Variants in CACNA1B observed in about 807,000 individuals in gnomAD.
CACNA1B encodes voltage-dependent N-type calcium channel subunit alpha-1B.
Under a neutral mutation model 247.2 loss-of-function variants are expected in CACNA1B, and 70 were observed. The ratio of observed to expected loss-of-function variants is 0.28; its 90% CI spans 0.23 to 0.35. The LOEUF (loss-of-function observed/expected upper bound fraction) is 0.35, where lower values mean the gene tolerates loss of function less well. CACNA1B is among the 10% of genes least tolerant of loss of function. CACNA1B has a pLI of 1.00. For missense variants in CACNA1B, 2,367 were observed against 3,197.4 expected, an observed-to-expected ratio of 0.74 and a Z score of 6.26; for synonymous variants, 1,231 against 1,294.4, an observed-to-expected ratio of 0.95 and a Z score of 1.05.
Position 137,974,915 on chromosome 9 carries a change from T to C in CACNA1B, c.1544-992T>C, listed in dbSNP as rs1958200155. On this transcript the variant is annotated intron_variant, in intron 11 of 46. Coordinates refer to ENST00000371372, the MANE Select transcript of CACNA1B (RefSeq NM_000718.4). The surrounding 1 kb of genome is among the most constrained non-coding windows in gnomAD (Gnocchi z 4.5). ...GGTGCCTTTGGCCTGACCAGCACTGTGAGAAGTTTAAGAGCCAATCCCTGC... is the reference window on the plus strand; with the variant it reads ...GGTGCCTTTGGCCTGACCAGCACTGCGAGAAGTTTAAGAGCCAATCCCTGC... 6.6e-6 allele frequency among the ~76,000 whole-genome samples: 1 copy of C among 152,154 alleles called. No individual in the cohort carries two copies. The highest frequency in any genetic ancestry group is 2.1e-4 in the South Asian group (1 of 4,828).
In CACNA1B at chr9:137,986,939, C is replaced by A; in HGVS notation, c.1974+85C>A. On this transcript the variant is annotated intron_variant, in intron 15 of 46. Coordinates refer to ENST00000371372, the MANE Select transcript of CACNA1B (RefSeq NM_000718.4). The surrounding 1 kb of genome is among the most constrained non-coding windows in gnomAD (Gnocchi z 6.0). ...GGAAGGCGGACTCTCCTGTCATTCCCTCCCTTGTTCCTCCACACGGCCCAG... is the reference window on the plus strand; with the variant it reads ...GGAAGGCGGACTCTCCTGTCATTCCATCCCTTGTTCCTCCACACGGCCCAG... 1 of 989,962 alleles carries A rather than the reference C, an allele frequency of 1.0e-6. No homozygotes were observed. Among genetic ancestry groups the A allele is most frequent in the Non-Finnish European group, 1.6e-6 (1 of 616,260 alleles). 61.3% of individuals were successfully genotyped at this position (989,962 alleles called of 1,614,324 possible).
intron 36 of CACNA1B, among the ~76,000 whole-genome samples, chr9:138,084,525 A>G (rs1960630439): frequency 1.3e-5 from 2 of 151,240 alleles, no homozygotes; most frequent in Admixed American, 1.3e-4. Context: ...AGACTATACC[A>G]CTGCACCTGG....
At chr9:138,113,725 G>A (rs1961747129) in intron 40 of CACNA1B, among the ~76,000 whole-genome samples, 1 of 137,702 alleles carries the variant, frequency 7.3e-6, no homozygotes, top group African/African-American at 2.8e-5. Flanking sequence ...GAGACGTGAG[G>A]GAGTGCCGGG....
intron 40 of CACNA1B, 34 bp downstream of exon 40, chr9:138,112,539 C>T: frequency 1.5e-6 from 2 of 1,366,962 alleles, no homozygotes; most frequent in Non-Finnish European, 2.1e-6. Context: ...CCCCAGCCCC[C>T]ACCTTTACTG....
intron 31 of CACNA1B, among the ~76,000 whole-genome samples, chr9:138,066,939 C>T (rs1959940350): frequency 6.6e-6 from 1 of 152,040 alleles, no homozygotes; most frequent in East Asian, 1.9e-4. Context: ...AAAGTCTAAA[C>T]TTAGTTCTTT....
intron 21 of CACNA1B, among the ~76,000 whole-genome samples, chr9:138,044,602 A>G (rs542618150): frequency 2.4e-4 from 36 of 152,342 alleles, no homozygotes; most frequent in African/African-American, 8.2e-4. Flanking sequence ...TTCTGGGGTG[A>G]GACTGGAGCA....
intron 12 of CACNA1B, among the ~76,000 whole-genome samples, chr9:137,979,313 G>A (rs1189115500): frequency 6.6e-6 from 1 of 152,200 alleles, no homozygotes; most frequent in African/African-American, 2.4e-5. Flanking sequence ...CTGGTGTCAA[G>A]CTCATGCATT....
At chr9:137,902,166 G>T (rs1055147693) in intron 3 of CACNA1B, among the ~76,000 whole-genome samples, 1 of 152,152 alleles carries the variant, frequency 6.6e-6, no homozygotes, top group Non-Finnish European at 1.5e-5. Context: ...GTTTACTTTT[G>T]TGAGTTGTCT....
chr9:138,092,874 T>C (rs1272954342), intron 36 of CACNA1B, among the ~76,000 whole-genome samples: 1 of 152,206 alleles, frequency 6.6e-6, no homozygotes, highest in African/African-American at 2.4e-5. Context: ...CCTGACTTCC[T>C]GCAACAAGCT....
chr9:138,090,291 A>G (rs1170497826), intron 36 of CACNA1B, among the ~76,000 whole-genome samples: 2 of 152,192 alleles, frequency 1.3e-5, no homozygotes, highest in African/African-American at 2.4e-5. Flanking sequence ...AGCACCAAGA[A>G]CATTTATTGG....
intron 26 of CACNA1B, among the ~76,000 whole-genome samples, chr9:138,055,129 C>CTTTTT (rs1306363608): frequency 2.1e-5 from 3 of 140,716 alleles, no homozygotes; most frequent in African/African-American, 7.8e-5. Context: ...TTTTCTTTTT[C>CTTTTT]TTTTTTTTTT....
At chr9:138,104,583 C>T (rs1961360974) in intron 38 of CACNA1B, among the ~76,000 whole-genome samples, 2 of 152,218 alleles carry the variant, frequency 1.3e-5, no homozygotes, top group Non-Finnish European at 2.9e-5. Flanking sequence ...GCTCATGTCT[C>T]CAGCCCGGCT....
At chr9:137,937,611 A>G (rs1422909679) in intron 6 of CACNA1B, among the ~76,000 whole-genome samples, 2 of 152,178 alleles carry the variant, frequency 1.3e-5, no homozygotes, top group Admixed American at 6.5e-5. Flanking sequence ...CATTGCAAAA[A>G]GATAATCTCC....
At chr9:137,951,513 G>A (rs1361934295) in intron 6 of CACNA1B, among the ~76,000 whole-genome samples, 1 of 152,188 alleles carries the variant, frequency 6.6e-6, no homozygotes, top group Non-Finnish European at 1.5e-5. Context: ...GCCTCCCTTG[G>A]CACCCACCAC....
intron 10 of CACNA1B, among the ~76,000 whole-genome samples, chr9:137,963,294 T>C (rs1958040412): frequency 6.6e-6 from 1 of 152,228 alleles, no homozygotes. Flanking sequence ...GATGTGGGTC[T>C]TTTGAAGACA....
rs967849534 is a variant in CACNA1B, at chr9:137,973,305, C to A, written c.1543+1713C>A. Reference sequence around the variant, plus strand: ...AAATGTGGGCAGTGTCCCTGACAGCCGGGCTGGGCCTGAGGGAGGCTTGCT... The same window carrying A: ...AAATGTGGGCAGTGTCCCTGACAGCAGGGCTGGGCCTGAGGGAGGCTTGCT... On this transcript the variant is annotated intron_variant, in intron 11 of 46. Coordinates refer to ENST00000371372, the MANE Select transcript of CACNA1B (RefSeq NM_000718.4). The surrounding 1 kb of genome is among the most constrained non-coding windows in gnomAD (Gnocchi z 4.1). Among the ~76,000 whole-genome samples the A allele has an allele frequency of 6.6e-6, 1 of 152,114 alleles. No individual in the cohort carries two copies. Among genetic ancestry groups the A allele is most frequent in the Non-Finnish European group, 1.5e-5 (1 of 68,020 alleles).
chr9:138,098,602 G>C (rs1961138514), intron 37 of CACNA1B, among the ~76,000 whole-genome samples: 1 of 152,204 alleles, frequency 6.6e-6, no homozygotes, highest in Admixed American at 6.5e-5. Context: ...CAAGAGCAGA[G>C]GCAGGAAGAA....
At chr9:138,083,832 A>C (rs1589118630) in intron 36 of CACNA1B, among the ~76,000 whole-genome samples, 1 of 150,274 alleles carries the variant, frequency 6.7e-6, no homozygotes, top group African/African-American at 2.5e-5. Context: ...CTGCCATTCT[A>C]GGGTACTTGC....
chr9:138,054,691 T>A lies in CACNA1B; in HGVS notation c.3968+685T>A, dbSNP rs1054205544. ...AGCAGTTTGGGGAGGTGTATCTGTC[T>A]GGTAGTGGAATTGCCGGGTCCTGGG... is the stretch of plus-strand genomic sequence containing the variant. On this transcript the variant is annotated intron_variant, in intron 26 of 46. Coordinates refer to ENST00000371372, the MANE Select transcript of CACNA1B (RefSeq NM_000718.4). This position sits in a 1 kb window ranked among gnomAD's most constrained non-coding sequence, Gnocchi z 4.6. Among the ~76,000 whole-genome samples the A allele has an allele frequency of 6.6e-6, 1 of 152,232 alleles. No homozygotes were observed. Among genetic ancestry groups the A allele is most frequent in the Admixed American group, 6.5e-5 (1 of 15,284 alleles).
Sources: gnomAD v4.1 joint callset for allele counts (sites outside exome capture counted in the v4.1 genomes callset) on GRCh38, gnomAD v4.1.1 for gene constraint, Gnocchi (gnomAD v3.1) non-coding constraint, MANE v1.5 for transcripts, NCBI Gene and HGNC (gene_info 2026-07-23, HGNC 2026-07-21) for gene names.